AGL: variants seen among roughly 807,000 people sequenced by gnomAD.
AGL encodes amylo-alpha-1,6-glucosidase and 4-alpha-glucanotransferase.
A neutral mutation model predicts 199.3 loss-of-function variants in AGL; 128 were observed. The observed-to-expected ratio is 0.64, with a 90% confidence interval of 0.56 to 0.74. AGL has a LOEUF of 0.74. AGL is among the 30% of genes least tolerant of loss of function. The probability of loss-of-function intolerance (pLI) is 0.00; values close to 1 mark genes in which losing one functional copy is unlikely to be tolerated. For missense variants in AGL, 1,809 were observed against 1,820.8 expected, an observed-to-expected ratio of 0.99 and a Z score of 0.12; for synonymous variants, 584 against 594.7, an observed-to-expected ratio of 0.98 and a Z score of 0.26.
At chr1:99,878,010 T>C (rs1651695605) in intron 12 of AGL, among the ~76,000 whole-genome samples, 182 bp downstream of exon 12, 1 of 152,214 alleles carries the variant, frequency 6.6e-6, no homozygotes. Flanking sequence ...GCAGTTGTTA[T>C]GGAATACTGG....
At chr1:99,860,439 A>G (rs1649940241) in intron 2 of AGL, among the ~76,000 whole-genome samples, 1 of 152,128 alleles carries the variant, frequency 6.6e-6, no homozygotes, top group Non-Finnish European at 1.5e-5. Context: ...TATATTTCTA[A>G]TAGACTTGAC....
In AGL at chr1:99,884,626, A is replaced by G; in HGVS notation, c.2604A>G (p.Thr868=). The G allele has an allele frequency of 6.2e-7, 1 of 1,613,932 alleles. No individual in the cohort carries two copies. Among genetic ancestry groups the G allele is most frequent in the Non-Finnish European group, 8.5e-7 (1 of 1,179,832 alleles). ...VAVGILRNHL[T]QFSPHFKSGS... ...TTGGAATTCTTCGAAATCATCTGAC[A>G]CAATTCAGTCCTCACTTTAAATCTG... is the stretch of plus-strand genomic sequence containing the variant. The change falls in exon 20 of 34, where the codon ACA becomes ACG. Residue 868 remains threonine, a synonymous_variant. Transcript: ENST00000361915.
At chr1:99,878,662 G>A (rs1251961212) in intron 12 of AGL, among the ~76,000 whole-genome samples, 1 of 151,918 alleles carries the variant, frequency 6.6e-6, no homozygotes, top group Non-Finnish European at 1.5e-5. Context: ...AGTGACCAGT[G>A]TCACTTAGGT....
chr1:99,873,126 TTTC>T lies in AGL; in HGVS notation c.959-1556_959-1554del, dbSNP rs1479371060. On this transcript the variant is annotated intron_variant, in intron 7 of 33. Coordinates refer to ENST00000361915, the MANE Select transcript of AGL (RefSeq NM_000642.3). ...AAAAGACCTTCCATCAACATTCTCT[TTTC>T]TTCTAATTTGTATTTTTACATTTGA... Among the ~76,000 whole-genome samples, 14 of 152,114 alleles carry T rather than the reference TTTC, an allele frequency of 9.2e-5. No individual in the cohort carries two copies. In the East Asian group the frequency reaches 2.7e-3, roughly 29 times the overall value.
intron 21 of AGL, among the ~76,000 whole-genome samples, chr1:99,890,358 A>G (rs896886907): frequency 4.1e-5 from 6 of 145,064 alleles, no homozygotes; most frequent in African/African-American, 1.5e-4. Context: ...CATATGTAGA[A>G]TATTATTTTA....
chr1:99,854,593 T>C (rs1649256397), intron 2 of AGL, among the ~76,000 whole-genome samples: 2 of 151,464 alleles, frequency 1.3e-5, no homozygotes, highest in Non-Finnish European at 2.9e-5. Flanking sequence ...AAACCCCGTC[T>C]CTACTAAAAA....
chr1:99,864,171 A>G (rs1035479685), intron 4 of AGL, among the ~76,000 whole-genome samples: 24 of 152,208 alleles, frequency 1.6e-4, no homozygotes, highest in African/African-American at 5.8e-4. Flanking sequence ...TGTCTTGTAT[A>G]TGAGGACACA....
intron 7 of AGL, among the ~76,000 whole-genome samples, chr1:99,873,921 T>C (rs1273924078): frequency 6.6e-6 from 1 of 152,184 alleles, no homozygotes; most frequent in Non-Finnish European, 1.5e-5. Context: ...CAGACACAAA[T>C]TAATTAGTTA....
intron 33 of AGL, among the ~76,000 whole-genome samples, chr1:99,919,492 G>C (rs150038777): frequency 1.3e-5 from 2 of 152,242 alleles, no homozygotes; most frequent in African/African-American, 4.8e-5. Context: ...AGTGAAAAAT[G>C]TTATTTAGAA....
In AGL at chr1:99,870,435, T is replaced by A; in HGVS notation, c.700T>A (p.Cys234Ser). 1 of 1,614,082 alleles carries A rather than the reference T, an allele frequency of 6.2e-7. No individual in the cohort carries two copies. Among genetic ancestry groups the A allele is most frequent in the Non-Finnish European group, 8.5e-7 (1 of 1,179,958 alleles). The change falls in exon 6 of 34, where the codon TGT (cysteine) becomes AGT (serine). Residue 234 changes from cysteine (C) to serine (S), a missense_variant. Physicochemically the swap from Cys to Ser is moderately radical, Grantham distance 112. Transcript: ENST00000361915. The stretch of plus-strand genomic sequence containing the variant: ...TAAATGGATCCAGGAACATCCAGAA[T>A]GTGCCTATAATCTTGTGAATTCTCC... ...NSKWIQEHPE[C>S]AYNLVNSPHL...
chr1:99,857,212 C>CG (rs1397130836), intron 2 of AGL, among the ~76,000 whole-genome samples: 1 of 150,440 alleles, frequency 6.6e-6, no homozygotes, highest in Non-Finnish European at 1.5e-5. Flanking sequence ...ACATCCCAGA[C>CG]GGGGCGGCGG....
intron 30 of AGL, among the ~76,000 whole-genome samples, chr1:99,914,076 G>C (rs1184320028): frequency 6.6e-6 from 1 of 152,050 alleles, no homozygotes; most frequent in Non-Finnish European, 1.5e-5. Context: ...TTCAGCCCAG[G>C]AGTTTGAGAC....
intron 13 of AGL, among the ~76,000 whole-genome samples, 163 bp downstream of exon 13, chr1:99,880,209 A>G (rs1044475269): frequency 6.6e-6 from 1 of 152,206 alleles, no homozygotes; most frequent in African/African-American, 2.4e-5. Context: ...GTCTATTTTT[A>G]TCAGTATAAA....
At chr1:99,898,270 T>A (rs1161969649) in intron 25 of AGL, among the ~76,000 whole-genome samples, 1 of 152,144 alleles carries the variant, frequency 6.6e-6, no homozygotes, top group East Asian at 1.9e-4. Flanking sequence ...ATGGTCTCGA[T>A]ATCCTGACCT....
At chr1:99,919,678 A>T (rs1189261535) in intron 33 of AGL, among the ~76,000 whole-genome samples, 3 of 152,130 alleles carry the variant, frequency 2.0e-5, no homozygotes, top group Non-Finnish European at 2.9e-5. Flanking sequence ...GCTATTTCTC[A>T]GTGTTTAATT....
At chr1:99,856,432 T>C (rs1327246855) in intron 2 of AGL, among the ~76,000 whole-genome samples, 1 of 150,542 alleles carries the variant, frequency 6.6e-6, no homozygotes, top group East Asian at 2.0e-4. Context: ...TCTTTTCTTT[T>C]CTTGTATTTA....
At chr1:99,880,443 C>T in intron 13 of AGL, among the ~76,000 whole-genome samples, 189 bp from the exon 14 acceptor site, 1 of 152,156 alleles carries the variant, frequency 6.6e-6, no homozygotes, top group Non-Finnish European at 1.5e-5. Flanking sequence ...AGCCATTTCT[C>T]CAGTTAAGTT....
chr1:99,913,692 G>A lies in AGL; in HGVS notation c.4115G>A (p.Trp1372Ter), dbSNP rs1183383313. Residue 1372 changes from tryptophan to a stop codon, truncating the protein, a stop_gained, in exon 30 of 34, where the codon TGG becomes TAG. Transcript: ENST00000361915. LOFTEE classifies it high-confidence loss of function. Reference sequence around the variant, plus strand: ...GATAGTTATGGAGCTTCAAGTCCTTGGTGTGACTATCAGCTCAGGCCTAAT... The same window carrying A: ...GATAGTTATGGAGCTTCAAGTCCTTAGTGTGACTATCAGCTCAGGCCTAAT... ...YKDSYGASSP[W>*]CDYQLRPNFT... The A allele has an allele frequency of 6.2e-7, 1 of 1,614,060 alleles. No individual in the cohort carries two copies. Among genetic ancestry groups the A allele is most frequent in the Admixed American group, 1.7e-5 (1 of 60,022 alleles).
intron 2 of AGL, among the ~76,000 whole-genome samples, chr1:99,859,549 G>T (rs1298007300): frequency 4.4e-5 from 2 of 44,946 alleles, no homozygotes; most frequent in Non-Finnish European, 7.9e-5. Flanking sequence ...ATTAAAAGTG[G>T]TTATTACATT....
Sources: allele counts gnomAD v4.1 joint callset (sites outside exome capture counted in the v4.1 genomes callset), GRCh38; gene constraint gnomAD v4.1.1; transcripts MANE v1.5; gene names NCBI Gene and HGNC (gene_info 2026-07-23, HGNC 2026-07-21).